SNED1: variants seen among roughly 807,000 people sequenced by gnomAD.
SNED1 encodes sushi, nidogen and EGF-like domain-containing protein 1.
A neutral mutation model predicts 166.7 loss-of-function variants in SNED1; 81 were observed. The observed-to-expected ratio is 0.49, with a 90% CI of 0.41 to 0.58. SNED1 has a LOEUF of 0.58. Ranked by LOEUF, SNED1 falls within the 20% of genes least tolerant of loss-of-function variation. SNED1 has a pLI of 0.00. For missense variants in SNED1, 1,604 were observed against 2,000.2 expected, an observed-to-expected ratio of 0.80 and a Z score of 3.78; for synonymous variants, 762 against 822.0, an observed-to-expected ratio of 0.93 and a Z score of 1.25.
chr2:241,068,612 G>A lies in SNED1; in HGVS notation c.3195-299G>A, dbSNP rs2125223313. ...AGGGCCCGTCCCCCATCCCTGCACA[G>A]TGACCACTTCCCCCTTCTCTGGCCT... On this transcript the variant is annotated intron_variant, in intron 22 of 31. Coordinates refer to ENST00000310397, the MANE Select transcript of SNED1 (RefSeq NM_001080437.3). This position sits in a 1 kb window ranked among gnomAD's most constrained non-coding sequence, Gnocchi z 5.3. Among the ~76,000 whole-genome samples, 1 of 152,146 alleles carries A rather than the reference G, an allele frequency of 6.6e-6. No homozygotes were observed. The highest frequency in any genetic ancestry group is 1.9e-4 in the East Asian group (1 of 5,164).
chr2:241,067,647 C>T, intron 21 of SNED1, 117 bp from the exon 22 acceptor site: 1 of 783,086 alleles, frequency 1.3e-6, no homozygotes, highest in East Asian at 2.7e-5. Context: ...GGGACACCCT[C>T]TCCAGTGCCT....
intron 1 of SNED1, among the ~76,000 whole-genome samples, chr2:241,021,303 A>G (rs2060766483): frequency 2.0e-5 from 3 of 152,070 alleles, no homozygotes; most frequent in African/African-American, 7.3e-5. Context: ...TTATTCACAC[A>G]CCATGCAGTT....
chr2:241,058,281 A>C (rs1347790703), intron 16 of SNED1, among the ~76,000 whole-genome samples: 1 of 152,186 alleles, frequency 6.6e-6, no homozygotes, highest in Non-Finnish European at 1.5e-5. Flanking sequence ...CAATAATCTC[A>C]ATATATATAA....
chr2:241,040,760 T>C (rs2061501298), intron 8 of SNED1: 3 of 474,550 alleles, frequency 6.3e-6, no homozygotes, highest in East Asian at 6.5e-5. Context: ...TGGGTGACTC[T>C]TGACTTTTTT....
intron 8 of SNED1, among the ~76,000 whole-genome samples, chr2:241,046,760 A>G (rs1020119429): frequency 1.3e-5 from 2 of 152,212 alleles, no homozygotes; most frequent in African/African-American, 4.8e-5. Context: ...GTTAAAATTC[A>G]TAGAGGTGTG....
chr2:241,085,367 C>T (rs868584086), intron 29 of SNED1, among the ~76,000 whole-genome samples: 1 of 152,162 alleles, frequency 6.6e-6, no homozygotes, highest in African/African-American at 2.4e-5. Context: ...GCAGCATCTA[C>T]CATTAATCCT....
In SNED1 at chr2:241,048,858, G is replaced by A. The variant is rs140236039; in HGVS notation, c.1504+92G>A. 3.7e-4 allele frequency: 471 copies of A among 1,256,508 alleles called. 1 individual carries two copies. The African/African-American group carries it at 6.5e-3, about 17-fold the overall frequency. The allele number at this position is 1,256,508 out of a possible 1,614,324, so 77.8% of individuals were successfully genotyped here. On this transcript the variant is annotated intron_variant, in intron 10 of 31. Coordinates refer to ENST00000310397, the MANE Select transcript of SNED1 (RefSeq NM_001080437.3). ...GCTTCGGCCGGGGTCCGTAGGTCCA[G>A]ACTGTCGACCATTGGTTCTACCCCC...
At chr2:241,088,844 G>T in intron 31 of SNED1, 1 of 216,826 alleles carries the variant, frequency 4.6e-6, no homozygotes, top group Non-Finnish European at 9.1e-6. Flanking sequence ...AGGGCTGAGA[G>T]AGTGCCTCCC....
chr2:241,023,968 C>T (rs2060853002), intron 1 of SNED1, among the ~76,000 whole-genome samples: 2 of 136,978 alleles, frequency 1.5e-5, no homozygotes, highest in Admixed American at 8.3e-5. Flanking sequence ...CTGCTGCAGC[C>T]TCCACCCCCC....
chr2:241,043,191 CA>C (rs1253287258), intron 8 of SNED1, among the ~76,000 whole-genome samples: 1 of 152,152 alleles, frequency 6.6e-6, no homozygotes, highest in Non-Finnish European at 1.5e-5. Context: ...CCAAGAAAAG[CA>C]TGAAGAAAAC....
intron 31 of SNED1, chr2:241,090,115 ACT>A (rs2063830497): frequency 3.4e-6 from 5 of 1,491,462 alleles, no homozygotes; most frequent in Non-Finnish European, 3.6e-6. Flanking sequence ...TTACTTTTTA[ACT>A]CTTTTTAATA....
rs1334977268 is a variant in SNED1, at chr2:241,069,294, G to A, written c.3307+271G>A. ...GAGTTCCTACTGGACACCGACCAGA[G>A]GGCCAGAGGACCTCACTGGGCCAGG... On this transcript the variant is annotated intron_variant, in intron 23 of 31. Coordinates refer to ENST00000310397, the MANE Select transcript of SNED1 (RefSeq NM_001080437.3). This position sits in a 1 kb window ranked among gnomAD's most constrained non-coding sequence, Gnocchi z 4.9. 6.6e-6 allele frequency among the ~76,000 whole-genome samples: 1 copy of A among 152,192 alleles called. No homozygotes were observed. The highest frequency in any genetic ancestry group is 2.4e-5 in the African/African-American group (1 of 41,454).
At chr2:241,059,926 A>G (rs906958051) in intron 16 of SNED1, among the ~76,000 whole-genome samples, 1 of 152,206 alleles carries the variant, frequency 6.6e-6, no homozygotes, top group Non-Finnish European at 1.5e-5. Flanking sequence ...AAGAAAAGGA[A>G]ATAAAAGGAA....
chr2:241,012,825 C>CTTTTTTTTTTT (rs59199140), intron 1 of SNED1, among the ~76,000 whole-genome samples: 3 of 134,880 alleles, frequency 2.2e-5, no homozygotes, highest in East Asian at 2.1e-4. Flanking sequence ...TTTTTTTTTT[C>CTTTTTTTTTTT]TTTTTTTTTT....
rs1238555003 is a variant in SNED1 at position 241,053,082 on chromosome 2, G to A, written c.2084-71G>A. On this transcript the variant is annotated intron_variant, in intron 15 of 31. Transcript: ENST00000310397. Reference sequence around the variant, plus strand: ...TCCCTGGGCCCTGCAGTCGGGTCGGGCAGAGGCAGGGCGGTGGGGAGGGGC... The same window carrying A: ...TCCCTGGGCCCTGCAGTCGGGTCGGACAGAGGCAGGGCGGTGGGGAGGGGC... 7 of 1,462,798 alleles carry A rather than the reference G, an allele frequency of 4.8e-6. No individual in the cohort carries two copies. In the East Asian group the frequency reaches 7.3e-5, roughly 15 times the overall value. 90.6% of individuals were successfully genotyped at this position (1,462,798 alleles called of 1,614,324 possible). A position where few individuals can be genotyped will look rare whatever the true frequency, so the allele number is the denominator to read the frequency against.
At chr2:241,080,784 C>G (rs547770442) in intron 27 of SNED1, among the ~76,000 whole-genome samples, 2 of 152,332 alleles carry the variant, frequency 1.3e-5, no homozygotes, top group East Asian at 3.9e-4. Context: ...TGCTGAGGAC[C>G]AACTCGGTCT....
intron 24 of SNED1, 76 bp downstream of exon 24, chr2:241,070,277 C>A: frequency 7.0e-7 from 1 of 1,421,920 alleles, no homozygotes; most frequent in Non-Finnish European, 9.4e-7. Flanking sequence ...CTGACCTGGC[C>A]CTGCAGGGGC....
intron 18 of SNED1, 119 bp downstream of exon 18, chr2:241,063,819 G>A (rs1221051669): frequency 1.3e-5 from 11 of 854,140 alleles, no homozygotes; most frequent in Admixed American, 2.5e-5. Flanking sequence ...GGGACCCCCA[G>A]GGCTGCGGCC....
chr2:241,071,646 G>A lies in SNED1; in HGVS notation c.3660G>A (p.Pro1220=), dbSNP rs1420531267. The A allele has an allele frequency of 1.2e-5, 19 of 1,573,618 alleles. No homozygotes were observed. Among genetic ancestry groups the A allele is most frequent in the South Asian group, 1.0e-4 (9 of 86,626 alleles). The part of the protein sequence containing the change: ...GHHPRVLKNR[P]PPARLPELRL... ...ACCCTCGGGTGCTCAAGAACAGACCGCCCCCGGCGCGCCTGCCGGAGCTGC... is the reference window on the plus strand; with the variant it reads ...ACCCTCGGGTGCTCAAGAACAGACCACCCCCGGCGCGCCTGCCGGAGCTGC... Residue 1220 remains proline (P), a synonymous_variant, in exon 25 of 32, where the codon CCG becomes CCA. Coordinates refer to ENST00000310397, the MANE Select transcript of SNED1 (RefSeq NM_001080437.3).
Sources: allele counts gnomAD v4.1 joint callset (sites outside exome capture counted in the v4.1 genomes callset), GRCh38; gene constraint gnomAD v4.1.1; non-coding constraint Gnocchi (gnomAD v3.1); transcripts MANE v1.5; gene names NCBI Gene and HGNC (gene_info 2026-07-23, HGNC 2026-07-21).